The following SKI variants were observed in gnomAD, a reference collection of about 807,000 sequenced individuals.
SKI encodes the protein ski oncogene.
SKI carries 23 observed loss-of-function variants against 59.3 expected under a neutral mutation model. The observed-to-expected ratio is 0.39, with a 90% CI of 0.28 to 0.55. The LOEUF (loss-of-function observed/expected upper bound fraction) is 0.55. Among genes scored for constraint, SKI ranks in the 20% least tolerant of loss-of-function variants. The pLI, the probability that SKI is intolerant of heterozygous loss-of-function variation, is 0.67. For missense variants in SKI, 1,017 were observed against 1,038.9 expected (o/e 0.98, Z 0.29); for synonymous variants, 673 against 488.6 (o/e 1.38, Z -4.98).
chr1:2,234,442 A>G (rs879714290), intron 1 of SKI, among the ~76,000 whole-genome samples: 44 of 152,036 alleles, frequency 2.9e-4, no homozygotes, highest in Non-Finnish European at 5.0e-4. Flanking sequence ...CCCTGCGGCT[A>G]TTTGTGCAAT....
chr1:2,241,833 T>G (rs1638881772), intron 1 of SKI, among the ~76,000 whole-genome samples: 1 of 152,218 alleles, frequency 6.6e-6, no homozygotes, highest in Admixed American at 6.5e-5. Context: ...CTGAGGGCAA[T>G]TTCCGGACAC....
At chr1:2,306,422 G>A (rs757218165) in intron 6 of SKI, among the ~76,000 whole-genome samples, 155 bp from the exon 7 acceptor site, 1 of 152,200 alleles carries the variant, frequency 6.6e-6, no homozygotes, top group Non-Finnish European at 1.5e-5. Flanking sequence ...TGGGCCCTGC[G>A]TCTCGTGAGC....
At chr1:2,300,712 C>T (rs1413530164) in intron 1 of SKI, among the ~76,000 whole-genome samples, 2 of 152,190 alleles carry the variant, frequency 1.3e-5, no homozygotes, top group Non-Finnish European at 2.9e-5. Flanking sequence ...AGCCGGGAGT[C>T]GCCTGATGAG....
intron 1 of SKI, among the ~76,000 whole-genome samples, chr1:2,283,206 CCTA>C (rs752729874): frequency 6.6e-6 from 1 of 152,238 alleles, no homozygotes; most frequent in Non-Finnish European, 1.5e-5. Flanking sequence ...GTGCGCCCCT[CCTA>C]TGGGTGAGGC....
chr1:2,305,527 G>A (rs558223095), intron 5 of SKI, among the ~76,000 whole-genome samples: 1 of 152,316 alleles, frequency 6.6e-6, no homozygotes, highest in East Asian at 1.9e-4. Flanking sequence ...ACATATTCAT[G>A]TGGTGTGTTT....
intron 1 of SKI, among the ~76,000 whole-genome samples, chr1:2,296,044 C>T (rs1640277139): frequency 6.6e-6 from 1 of 152,090 alleles, no homozygotes; most frequent in Admixed American, 6.6e-5. Context: ...CTTAGCAATG[C>T]ATAGGGGTTC....
At chr1:2,304,818 C>G (rs576454983) in intron 5 of SKI, among the ~76,000 whole-genome samples, 37 of 152,360 alleles carry the variant, frequency 2.4e-4, no homozygotes, top group African/African-American at 8.4e-4. Flanking sequence ...CCCAGGAGGC[C>G]ACTACATTTG....
At chr1:2,236,758 T>G (rs1471413087) in intron 1 of SKI, among the ~76,000 whole-genome samples, 1 of 152,188 alleles carries the variant, frequency 6.6e-6, no homozygotes, top group East Asian at 1.9e-4. Flanking sequence ...TGGGGGGCGC[T>G]TCTACCCTGG....
At chr1:2,263,598 C>T (rs952901213) in intron 1 of SKI, among the ~76,000 whole-genome samples, 34 of 151,808 alleles carry the variant, frequency 2.2e-4, no homozygotes, top group African/African-American at 8.0e-4. Flanking sequence ...TTCTTCTTCC[C>T]GTGTATCTTT....
intron 1 of SKI, among the ~76,000 whole-genome samples, chr1:2,241,441 A>G (rs1199601443): frequency 1.3e-5 from 2 of 151,866 alleles, no homozygotes; most frequent in African/African-American, 4.8e-5. Flanking sequence ...CGCCCAGGCT[A>G]TAGTGCAGTG....
At chr1:2,301,869 C>G (rs949065751) in intron 1 of SKI, among the ~76,000 whole-genome samples, 1 of 152,242 alleles carries the variant, frequency 6.6e-6, no homozygotes. Context: ...GTGGCCTGTT[C>G]TGCATTGGCC....
At chr1:2,284,905 G>A (rs1304157127) in intron 1 of SKI, among the ~76,000 whole-genome samples, 4 of 152,340 alleles carry the variant, frequency 2.6e-5, no homozygotes, top group South Asian at 2.1e-4. Context: ...TGGTTTTGGT[G>A]CCACACACAG....
chr1:2,229,555 G>T lies in SKI; in HGVS notation c.789G>T (p.Ser263=), dbSNP rs747258822. 5.0e-6 allele frequency: 8 copies of T among 1,611,122 alleles called. No homozygotes were observed. The East Asian group carries it at 1.6e-4, about 31-fold the overall frequency. The part of the protein sequence containing the change: ...MYPPHKFVVH[S]HKALENRTCH... Reference sequence around the variant, plus strand: ...CGCCGCACAAGTTCGTGGTGCACTCGCACAAGGCCCTGGAGAACCGGACCT... The same window carrying T: ...CGCCGCACAAGTTCGTGGTGCACTCTCACAAGGCCCTGGAGAACCGGACCT... The change falls in exon 1 of 7, where the codon TCG becomes TCT. Residue 263 remains serine (S), a synonymous_variant. Coordinates refer to ENST00000378536, the MANE Select transcript of SKI (RefSeq NM_003036.4). The surrounding 1 kb of genome is among the most constrained non-coding windows in gnomAD (Gnocchi z 6.3).
At chr1:2,280,359 G>C (rs1380147727) in intron 1 of SKI, among the ~76,000 whole-genome samples, 2 of 149,814 alleles carry the variant, frequency 1.3e-5, no homozygotes, top group South Asian at 2.1e-4. Context: ...CTGAGTGACA[G>C]AGCAAGCGTC....
Position 2,229,871 on chromosome 1 carries a change from T to C in SKI, c.969+136T>C. ...CATGTCTCCAGTCTTCGCTTTGTTT[T>C]AGGGAAATTCAGAGTGTTCCGACTG... On this transcript the variant is annotated intron_variant, in intron 1 of 6. Coordinates refer to ENST00000378536, the MANE Select transcript of SKI (RefSeq NM_003036.4). The surrounding 1 kb of genome is among the most constrained non-coding windows in gnomAD (Gnocchi z 6.3). 3 of 1,471,750 alleles carry C rather than the reference T, an allele frequency of 2.0e-6. No homozygotes were observed. The South Asian group carries it at 3.8e-5, about 19-fold the overall frequency. 91.2% of individuals were successfully genotyped at this position (1,471,750 alleles called of 1,614,324 possible).
At chr1:2,238,615 A>AC (rs1167424840) in intron 1 of SKI, among the ~76,000 whole-genome samples, 2 of 152,096 alleles carry the variant, frequency 1.3e-5, no homozygotes, top group East Asian at 3.9e-4. Context: ...CTGGACTCTG[A>AC]CCCCTGGTCC....
At chr1:2,293,189 G>T (rs1470181599) in intron 1 of SKI, among the ~76,000 whole-genome samples, 1 of 152,218 alleles carries the variant, frequency 6.6e-6, no homozygotes, top group Non-Finnish European at 1.5e-5. Flanking sequence ...GCCACTGTGC[G>T]GAGCGGGGTT....
chr1:2,245,552 A>G (rs1255846970), intron 1 of SKI, among the ~76,000 whole-genome samples: 2 of 152,154 alleles, frequency 1.3e-5, no homozygotes, highest in African/African-American at 4.8e-5. Context: ...GGCTCACTGC[A>G]GCCTCCACCT....
intron 1 of SKI, among the ~76,000 whole-genome samples, chr1:2,259,396 C>T (rs1557825186): frequency 6.6e-6 from 1 of 152,174 alleles, no homozygotes; most frequent in Non-Finnish European, 1.5e-5. Context: ...TGGAAAAGGG[C>T]ATCTCTGAGG....
Sources: gnomAD v4.1 joint callset for allele counts (sites outside exome capture counted in the v4.1 genomes callset) on GRCh38, gnomAD v4.1.1 for gene constraint, Gnocchi (gnomAD v3.1) non-coding constraint, MANE v1.5 for transcripts, NCBI Gene and HGNC (gene_info 2026-07-23, HGNC 2026-07-21) for gene names.